KCNQ5: variants seen among roughly 807,000 people sequenced by gnomAD.
KCNQ5 encodes potassium voltage-gated channel subfamily Q member 5.
In KCNQ5, 30 loss-of-function variants were observed where a neutral mutation model predicts 98.2. The ratio of observed to expected loss-of-function variants is 0.31; its 90% confidence interval spans 0.23 to 0.41. The LOEUF is 0.41. Ranked by LOEUF, KCNQ5 falls within the 10% of genes least tolerant of loss-of-function variation. The probability of loss-of-function intolerance (pLI) is 1.00; values close to 1 mark genes in which losing one functional copy is unlikely to be tolerated. For missense variants in KCNQ5, 835 were observed against 1,182.5 expected (o/e 0.71, Z 4.31); for synonymous variants, 458 against 449.4 (o/e 1.02, Z -0.24).
intron 1 of KCNQ5, among the ~76,000 whole-genome samples, chr6:72,980,728 G>C (rs1768399323): frequency 6.6e-6 from 1 of 152,200 alleles, no homozygotes; most frequent in South Asian, 2.1e-4. Flanking sequence ...GGAGTGGTGA[G>C]AGAGGGCATC....
In KCNQ5 at chr6:73,094,974, C is replaced by A. The variant is rs895458085; in HGVS notation, c.919-10283C>A. Among the ~76,000 whole-genome samples, 3 of 152,172 alleles carry A rather than the reference C, an allele frequency of 2.0e-5. No homozygotes were observed. In the South Asian group the frequency reaches 6.2e-4, roughly 32 times the overall value. The stretch of plus-strand genomic sequence containing the variant: ...TGTATTTGGATGTCTAGGTCTCTAG[C>A]AATGCTGGGGAAGTTTTCCTCTGTT... On this transcript the variant is annotated intron_variant, in intron 5 of 13. Coordinates refer to ENST00000370398, the MANE Select transcript of KCNQ5 (RefSeq NM_019842.4).
At chr6:72,633,201 A>G (rs1010186399) in intron 1 of KCNQ5, among the ~76,000 whole-genome samples, 2 of 152,018 alleles carry the variant, frequency 1.3e-5, no homozygotes, top group African/African-American at 4.8e-5. Flanking sequence ...GCATTTTTTC[A>G]TATGCTTGGG....
At chr6:73,058,523 C>T (rs146845304) in intron 3 of KCNQ5, among the ~76,000 whole-genome samples, 25 of 152,202 alleles carry the variant, frequency 1.6e-4, no homozygotes, top group African/African-American at 5.1e-4. Flanking sequence ...GCGATTGCAG[C>T]AAAAACAAAA....
rs184167556 is a variant in KCNQ5, at chr6:72,978,254, A to C, written c.399-25654A>C. Among the ~76,000 whole-genome samples the C allele has an allele frequency of 1.1e-3, 165 of 152,282 alleles. 1 individual carries two copies. The highest frequency in any genetic ancestry group is 1.2e-3 in the Admixed American group (18 of 15,292). ...GAACAATCTACACTGGTTTTTTATC[A>C]CAGTTATTTTTCCTGGAAAAGACAC... On this transcript the variant is annotated intron_variant, in intron 1 of 13. Coordinates refer to ENST00000370398, the MANE Select transcript of KCNQ5 (RefSeq NM_019842.4).
At chr6:72,761,398 A>G (rs1479864670) in intron 1 of KCNQ5, among the ~76,000 whole-genome samples, 1 of 152,092 alleles carries the variant, frequency 6.6e-6, no homozygotes, top group East Asian at 1.9e-4. Context: ...TTAAATGATT[A>G]ATTGATAGTT....
chr6:72,851,754 A>G (rs1271396091), intron 1 of KCNQ5, among the ~76,000 whole-genome samples: 1 of 151,666 alleles, frequency 6.6e-6, no homozygotes, highest in African/African-American at 2.4e-5. Flanking sequence ...TTAAGAAATT[A>G]CCTATACTTA....
intron 1 of KCNQ5, among the ~76,000 whole-genome samples, chr6:72,685,554 T>C (rs925738326): frequency 7.2e-5 from 11 of 152,244 alleles, no homozygotes; most frequent in African/African-American, 2.4e-4. Context: ...AGATGTTGTA[T>C]GCATTATCAC....
chr6:72,994,387 A>G (rs1240148281), intron 1 of KCNQ5, among the ~76,000 whole-genome samples: 3 of 79,822 alleles, frequency 3.8e-5, no homozygotes, highest in Non-Finnish European at 2.6e-5. Context: ...AGCCGGTCTG[A>G]AAAGCGCAAT....
rs532411549 is a variant in KCNQ5, at chr6:72,668,163, C to T, written c.398+45576C>T. ...AAGTGTATAGAAACTCTCCTATACA[C>T]GATAGTACAGGGTGTACAATTTTTG... is the stretch of plus-strand genomic sequence containing the variant. On this transcript the variant is annotated intron_variant, in intron 1 of 13. Transcript: ENST00000370398. Among the ~76,000 whole-genome samples the T allele has an allele frequency of 9.2e-5, 14 of 152,180 alleles. No homozygotes were observed. The South Asian group carries it at 1.5e-3, about 16-fold the overall frequency.
At chr6:73,166,512 T>A (rs1165250740) in intron 10 of KCNQ5, among the ~76,000 whole-genome samples, 2 of 143,590 alleles carry the variant, frequency 1.4e-5, no homozygotes, top group South Asian at 2.2e-4. Flanking sequence ...TAGATTTCTC[T>A]AAAAAAAAAA....
chr6:72,869,884 G>C (rs1778136931), intron 1 of KCNQ5, among the ~76,000 whole-genome samples: 1 of 152,164 alleles, frequency 6.6e-6, no homozygotes, highest in African/African-American at 2.4e-5. Context: ...GGGTCAAAGA[G>C]AATTTGGATA....
chr6:72,947,987 G>A (rs1327479738), intron 1 of KCNQ5, among the ~76,000 whole-genome samples: 1 of 151,936 alleles, frequency 6.6e-6, no homozygotes, highest in Middle Eastern at 3.2e-3. Flanking sequence ...AATTCTTAGG[G>A]ATCCACTTAT....
chr6:72,800,265 C>G (rs1024180686), intron 1 of KCNQ5, among the ~76,000 whole-genome samples: 1 of 152,144 alleles, frequency 6.6e-6, no homozygotes, highest in African/African-American at 2.4e-5. Context: ...GTCCTAGACT[C>G]TTTTTGGTTG....
At chr6:72,952,987 T>C (rs1308223021) in intron 1 of KCNQ5, among the ~76,000 whole-genome samples, 1 of 152,240 alleles carries the variant, frequency 6.6e-6, no homozygotes, top group Non-Finnish European at 1.5e-5. Flanking sequence ...GATCCAGTAA[T>C]GTGCTCTTGA....
intron 1 of KCNQ5, among the ~76,000 whole-genome samples, chr6:72,838,871 A>T (rs1001080085): frequency 7.2e-6 from 1 of 139,794 alleles, no homozygotes; most frequent in Non-Finnish European, 1.5e-5. Flanking sequence ...AATGGCGTGA[A>T]CCCGGGAGGC....
intron 1 of KCNQ5, among the ~76,000 whole-genome samples, chr6:72,908,372 A>G (rs1338760244): frequency 6.6e-6 from 1 of 152,130 alleles, no homozygotes; most frequent in Non-Finnish European, 1.5e-5. Flanking sequence ...TGTCACAAAA[A>G]AAGTAATTAT....
In KCNQ5 at chr6:73,133,535, C is replaced by G. The variant is rs371275220; in HGVS notation, c.1362C>G (p.Ala454=). The G allele has an allele frequency of 1.2e-6, 2 of 1,614,068 alleles. No homozygotes were observed. Among genetic ancestry groups the G allele is most frequent in the African/African-American group, 2.7e-5 (2 of 74,914 alleles). Residue 454 remains alanine (A), a synonymous_variant, in exon 10 of 14, where the codon GCC becomes GCG. Transcript: ENST00000370398. ...GGTCCCCAAGCACCGACATCACAGC[C>G]GAGGGCAGTCCCACCAAAGTGCAGA... ...DRRSPSTDIT[A]EGSPTKVQKS... is the part of the protein sequence containing the mutation.
At chr6:72,791,911 C>T (rs1404519087) in intron 1 of KCNQ5, among the ~76,000 whole-genome samples, 3 of 152,186 alleles carry the variant, frequency 2.0e-5, no homozygotes, top group Non-Finnish European at 4.4e-5. Context: ...ACTTAATCAA[C>T]TCCTAAGGTG....
chr6:72,852,284 A>C (rs1043843460), intron 1 of KCNQ5, among the ~76,000 whole-genome samples: 5 of 152,164 alleles, frequency 3.3e-5, no homozygotes, highest in African/African-American at 1.2e-4. Context: ...AAGGAAATCA[A>C]TACATCAAAG....
Sources: gnomAD v4.1 joint callset for allele counts (sites outside exome capture counted in the v4.1 genomes callset) on GRCh38, gnomAD v4.1.1 for gene constraint, MANE v1.5 for transcripts, NCBI Gene and HGNC (gene_info 2026-07-23, HGNC 2026-07-21) for gene names.